Variants in FNTB observed in about 807,000 individuals in gnomAD.
The protein encoded by FNTB is protein farnesyltransferase subunit beta.
FNTB carries 27 observed loss-of-function variants against 59.4 expected under a neutral mutation model. The ratio of observed to expected loss-of-function variants is 0.45; its 90% CI spans 0.34 to 0.63. The LOEUF is 0.63. Ranked by LOEUF, FNTB falls within the 20% of genes least tolerant of loss-of-function variation. FNTB has a pLI of 0.02. For synonymous variants in FNTB, 230 were observed against 220.7 expected, an observed-to-expected ratio of 1.04 and a Z score of -0.37; for missense variants, 449 against 559.6, an observed-to-expected ratio of 0.80 and a Z score of 1.99.
chr14:65,011,670 C>T lies in FNTB; in HGVS notation c.210-647C>T, dbSNP rs539743218. Among the ~76,000 whole-genome samples, 4 of 152,190 alleles carry T rather than the reference C, an allele frequency of 2.6e-5. No homozygotes were observed. Among genetic ancestry groups the T allele is most frequent in the African/African-American group, 4.8e-5 (2 of 41,450 alleles). ...AGAAGTGCAGCCTCTGTGCTTTGCC[C>T]GGCCTGTGCAGGTGGCCATGGGCGG... is the stretch of plus-strand genomic sequence containing the variant. On this transcript the variant is annotated intron_variant, in intron 2 of 11. Coordinates refer to ENST00000246166, the MANE Select transcript of FNTB (RefSeq NM_002028.4). The surrounding 1 kb of genome is among the most constrained non-coding windows in gnomAD (Gnocchi z 4.0).
At chr14:65,053,830 C>T (rs2062668928) in intron 10 of FNTB, among the ~76,000 whole-genome samples, 1 of 152,138 alleles carries the variant, frequency 6.6e-6, no homozygotes, top group Non-Finnish European at 1.5e-5. Flanking sequence ...TGTCTTCCCC[C>T]ATCCCAGCAC....
rs1172161603 is a variant in FNTB at position 65,054,460 on chromosome 14, A to G, written c.1068-115A>G. 3.8e-6 allele frequency: 4 copies of G among 1,064,470 alleles called. No homozygotes were observed. The East Asian group carries it at 1.0e-4, about 28-fold the overall frequency. The allele number at this position is 1,064,470 out of a possible 1,614,324, so 65.9% of individuals were successfully genotyped here. A position where few individuals can be genotyped will look rare whatever the true frequency, so the allele number is the denominator to read the frequency against. On this transcript the variant is annotated intron_variant, in intron 10 of 11. Coordinates refer to ENST00000246166, the MANE Select transcript of FNTB (RefSeq NM_002028.4). This position sits in a 1 kb window ranked among gnomAD's most constrained non-coding sequence, Gnocchi z 4.4. ...GGAAAACCATGCCTCCTCTAGCCAC[A>G]TGGAGGATGGGGGGGGACGTGTGAT...
intron 2 of FNTB, among the ~76,000 whole-genome samples, chr14:65,008,445 G>T (rs1212144836): frequency 6.6e-6 from 1 of 152,236 alleles, no homozygotes; most frequent in Admixed American, 6.5e-5. Flanking sequence ...GCCTGCCCCT[G>T]CTGGGCTCTT....
chr14:65,049,412 G>A (rs1192870727), intron 9 of FNTB, among the ~76,000 whole-genome samples: 4 of 152,106 alleles, frequency 2.6e-5, no homozygotes, highest in African/African-American at 7.2e-5. Context: ...TTAGAATGGC[G>A]ACCTATAATT....
chr14:65,012,171 C>T lies in FNTB; in HGVS notation c.210-146C>T. The T allele has an allele frequency of 1.1e-6, 1 of 899,266 alleles. No homozygotes were observed. Among genetic ancestry groups the T allele is most frequent in the South Asian group, 1.6e-5 (1 of 62,132 alleles). The allele number at this position is 899,266 out of a possible 1,614,324, so 55.7% of individuals were successfully genotyped here. ...CTCTGGTTTAGTTGCTCTTTGGAACCAGAGAAGTTGCTGGTTATCCAGTCA... is the reference window on the plus strand; with the variant it reads ...CTCTGGTTTAGTTGCTCTTTGGAACTAGAGAAGTTGCTGGTTATCCAGTCA... On this transcript the variant is annotated intron_variant, in intron 2 of 11. Transcript: ENST00000246166. This position sits in a 1 kb window ranked among gnomAD's most constrained non-coding sequence, Gnocchi z 5.0.
At chr14:65,055,911 C>T (rs2062725954) in intron 11 of FNTB, among the ~76,000 whole-genome samples, 1 of 152,174 alleles carries the variant, frequency 6.6e-6, no homozygotes, top group African/African-American at 2.4e-5. Context: ...CATTCTTAAT[C>T]AGAAAAACCA....
intron 1 of FNTB, among the ~76,000 whole-genome samples, chr14:65,002,026 C>T (rs1888618539): frequency 2.6e-5 from 4 of 152,228 alleles, no homozygotes; most frequent in Admixed American, 2.6e-4. Flanking sequence ...CTGCTCCCCT[C>T]ATCATCACAG....
chr14:65,022,710 T>C (rs1319588101), intron 4 of FNTB, among the ~76,000 whole-genome samples: 1 of 152,068 alleles, frequency 6.6e-6, no homozygotes, highest in South Asian at 2.1e-4. Flanking sequence ...ACAACTCTCA[T>C]GTGAATTCCC....
At chr14:65,016,920 GTTT>G (rs34191835) in intron 4 of FNTB, among the ~76,000 whole-genome samples, 1 of 114,848 alleles carries the variant, frequency 8.7e-6, no homozygotes, top group Non-Finnish European at 1.7e-5. Flanking sequence ...GGCCCACGTG[GTTT>G]TTTTTTTTTT....
At chr14:65,015,247 C>T (rs557393478) in intron 3 of FNTB, among the ~76,000 whole-genome samples, 5 of 151,948 alleles carry the variant, frequency 3.3e-5, no homozygotes, top group African/African-American at 7.2e-5. Context: ...GGATTACAGG[C>T]GCACATCACT....
chr14:65,019,080 GGAGAC>G (rs2061836978), intron 4 of FNTB, among the ~76,000 whole-genome samples: 8 of 152,220 alleles, frequency 5.3e-5, no homozygotes, highest in Admixed American at 4.6e-4. Flanking sequence ...GGCTGAGGCA[GGAGAC>G]TCGCTTGAAC....
intron 1 of FNTB, among the ~76,000 whole-genome samples, chr14:64,995,584 G>A (rs1036226097): frequency 6.6e-6 from 1 of 151,688 alleles, no homozygotes; most frequent in Admixed American, 6.6e-5. Context: ...TATGGGGTAC[G>A]TTCTTGACCA....
chr14:65,037,330 C>T (rs1041776157), intron 7 of FNTB, among the ~76,000 whole-genome samples: 1 of 143,738 alleles, frequency 7.0e-6, no homozygotes, highest in African/African-American at 2.6e-5. Flanking sequence ...TCTCGAACTC[C>T]TGACCTCAAG....
chr14:65,042,833 C>G (rs933516333), intron 8 of FNTB, among the ~76,000 whole-genome samples: 1 of 152,190 alleles, frequency 6.6e-6, no homozygotes, highest in African/African-American at 2.4e-5. Flanking sequence ...TTCTCTCTGC[C>G]TGAGTAATGC....
intron 8 of FNTB, among the ~76,000 whole-genome samples, chr14:65,042,972 G>T (rs1036509112): frequency 3.3e-5 from 5 of 152,160 alleles, no homozygotes; most frequent in Non-Finnish European, 4.4e-5. Context: ...ACTCTCTATG[G>T]GCAGGTGTTG....
At chr14:65,019,175 A>AAAAAAG (rs549542967) in intron 4 of FNTB, among the ~76,000 whole-genome samples, 80 of 151,890 alleles carry the variant, frequency 5.3e-4, no homozygotes, top group African/African-American at 1.8e-3. Context: ...CTCCATCTCA[A>AAAAAAG]AAAAAGAAAA....
rs148969187 is a variant in FNTB at position 65,005,639 on chromosome 14, C to T, written c.209+1326C>T. Among the ~76,000 whole-genome samples the T allele has an allele frequency of 5.6e-3, 840 of 151,158 alleles. 7 individuals carry two copies. Among genetic ancestry groups the T allele is most frequent in the African/African-American group, 0.019 (770 of 41,222 alleles). ...TTGTCTTGTCCTGTCCTGTCCGGTC[C>T]TGCCCTGCCCTGCCCTGTCTTGCCC... On this transcript the variant is annotated intron_variant, in intron 2 of 11. Transcript: ENST00000246166.
intron 1 of FNTB, among the ~76,000 whole-genome samples, chr14:64,992,234 T>C (rs1353707508): frequency 1.3e-5 from 2 of 152,172 alleles, no homozygotes; most frequent in Non-Finnish European, 2.9e-5. Context: ...CATATCAAAA[T>C]TTCCCCATTA....
intron 7 of FNTB, 43 bp from the exon 8 acceptor site, chr14:65,040,747 C>T: frequency 6.3e-7 from 1 of 1,599,706 alleles, no homozygotes; most frequent in East Asian, 2.2e-5. Context: ...TGTGTACGTC[C>T]ACTCACTGGC....
Sources: allele counts gnomAD v4.1 joint callset (sites outside exome capture counted in the v4.1 genomes callset), GRCh38; gene constraint gnomAD v4.1.1; non-coding constraint Gnocchi (gnomAD v3.1); transcripts MANE v1.5; gene names NCBI Gene and HGNC (gene_info 2026-07-23, HGNC 2026-07-21).